MAP3K2: variants seen among roughly 807,000 people sequenced by gnomAD.
MAP3K2 encodes the protein mitogen-activated protein kinase kinase kinase 2.
Under a neutral mutation model 80.3 loss-of-function variants are expected in MAP3K2, and 24 were observed. The observed-to-expected ratio is 0.30, with a 90% CI of 0.22 to 0.42. MAP3K2 has a LOEUF of 0.42. Among genes scored for constraint, MAP3K2 ranks in the 10% least tolerant of loss-of-function variants. The pLI, the probability that MAP3K2 is intolerant of heterozygous loss-of-function variation, is 1.00. For synonymous variants in MAP3K2, 244 were observed against 253.7 expected (o/e 0.96, Z 0.36); for missense variants, 608 against 750.1 (o/e 0.81, Z 2.21).
rs115376292 is a variant in MAP3K2, at chr2:127,302,905, A to C, written c.*4674T>G. 14 of 152,130 alleles carry C rather than the reference A, an allele frequency of 9.2e-5. No individual in the cohort carries two copies. Among genetic ancestry groups the C allele is most frequent in the African/African-American group, 3.4e-4 (14 of 41,510 alleles). 9.4% of individuals were successfully genotyped at this position (152,130 alleles called of 1,614,324 possible). On this transcript the variant is annotated 3_prime_UTR_variant, in exon 17 of 17. Coordinates refer to ENST00000682094, the MANE Select transcript of MAP3K2 (RefSeq NM_001371910.2). ...TTATTTATTTATTTATTTTTTTAAA[A>C]AGGAGGTAGAAAAGGGTAGGAGGAG...
chr2:127,332,084 CTA>C (rs1218223654), intron 5 of MAP3K2, among the ~76,000 whole-genome samples: 3 of 152,146 alleles, frequency 2.0e-5, no homozygotes, highest in Non-Finnish European at 4.4e-5. Context: ...TCTTTTCGCT[CTA>C]TGAGAATTTT....
At chr2:127,374,283 T>C (rs927977835) in intron 1 of MAP3K2, among the ~76,000 whole-genome samples, 1 of 152,186 alleles carries the variant, frequency 6.6e-6, no homozygotes, top group Non-Finnish European at 1.5e-5. Flanking sequence ...GTGCACTTTT[T>C]CTCCGACTTC....
chr2:127,318,048 C>CTT (rs11452548), intron 13 of MAP3K2, 121 bp downstream of exon 13: 19,811 of 572,484 alleles, frequency 0.035, 7 homozygotes, highest in East Asian at 0.063. Context: ...AAGAAAACTG[C>CTT]TTTTTTTTTT....
In MAP3K2 at chr2:127,303,585, TTGC is replaced by T. The variant is rs1471831000; in HGVS notation, c.*3991_*3993del. 6.6e-6 allele frequency: 1 copy of T among 152,044 alleles called. No individual in the cohort carries two copies. Among genetic ancestry groups the T allele is most frequent in the Non-Finnish European group, 1.5e-5 (1 of 67,998 alleles). The allele number at this position is 152,044 out of a possible 1,614,324, so 9.4% of individuals were successfully genotyped here. On this transcript the variant is annotated 3_prime_UTR_variant, in exon 17 of 17. Transcript: ENST00000682094. ...TAAAAAATAACATTTTAAAACATCA[TTGC>T]TGAACTTTCAGAGTTAGCGTATGCC... is the stretch of plus-strand genomic sequence containing the variant.
chr2:127,311,382 C>T (rs1204874992), intron 15 of MAP3K2, among the ~76,000 whole-genome samples: 4 of 152,184 alleles, frequency 2.6e-5, no homozygotes, highest in African/African-American at 2.4e-5. Flanking sequence ...CAGTCCAAGG[C>T]AGGTCACAGA....
chr2:127,365,567 T>C (rs1686959115), intron 1 of MAP3K2, among the ~76,000 whole-genome samples: 2 of 152,170 alleles, frequency 1.3e-5, no homozygotes, highest in Non-Finnish European at 1.5e-5. Context: ...ACAGCTCCTC[T>C]TCTTGATTGC....
intron 1 of MAP3K2, among the ~76,000 whole-genome samples, chr2:127,377,785 G>A (rs961375538): frequency 6.6e-6 from 1 of 152,164 alleles, no homozygotes; most frequent in Non-Finnish European, 1.5e-5. Flanking sequence ...TATAAAACAG[G>A]AAGAGAAAGC....
At chr2:127,324,319 T>G in intron 9 of MAP3K2, 78 bp from the exon 10 acceptor site, 1 of 798,758 alleles carries the variant, frequency 1.3e-6, no homozygotes, top group Non-Finnish European at 2.0e-6. Flanking sequence ...GCAATATCTA[T>G]ATCTATCTGT....
chr2:127,307,654 T>G lies in MAP3K2; in HGVS notation c.1785A>C (p.Lys595Asn). The G allele has an allele frequency of 6.3e-7, 1 of 1,591,400 alleles. No homozygotes were observed. The highest frequency in any genetic ancestry group is 1.1e-5 in the South Asian group (1 of 87,320). ...TCAGTTTGGCCTCTACAAAAATCCGTTTGAGGAAATCTCGAGTATAGTCTG... is the reference window on the plus strand; with the variant it reads ...TCAGTTTGGCCTCTACAAAAATCCGGTTGAGGAAATCTCGAGTATAGTCTG... Reference protein sequence around the residue: ...HVSDYTRDFLKRIFVEAKLRP... With the variant: ...HVSDYTRDFLNRIFVEAKLRP... Residue 595 changes from lysine to asparagine, a missense_variant, in exon 17 of 17, where the codon AAA (lysine) becomes AAC (asparagine). Coordinates refer to ENST00000682094, the MANE Select transcript of MAP3K2 (RefSeq NM_001371910.2). The surrounding 1 kb of genome is among the most constrained non-coding windows in gnomAD (Gnocchi z 5.4).
chr2:127,344,100 C>T (rs2104851103), intron 1 of MAP3K2, among the ~76,000 whole-genome samples: 1 of 152,130 alleles, frequency 6.6e-6, no homozygotes, highest in East Asian at 1.9e-4. Flanking sequence ...ATCCCCAGGT[C>T]AACTAGAAAA....
At position 127,369,680 on chromosome 2, in the gene MAP3K2, G is replaced by GA. The variant is rs530785119; in HGVS notation, c.-66+17771_-66+17772insT. Among the ~76,000 whole-genome samples the GA allele has an allele frequency of 3.6e-4, 54 of 152,066 alleles. No homozygotes were observed. The East Asian group carries it at 9.9e-3, about 28-fold the overall frequency. On this transcript the variant is annotated intron_variant, in intron 1 of 16. Coordinates refer to ENST00000682094, the MANE Select transcript of MAP3K2 (RefSeq NM_001371910.2). ...GTGGGAGGGCTGTTCACAAATACTT[G>GA]TTTTTATCCTTCTGGGCATATGGAA...
chr2:127,355,492 C>T (rs1313886359), intron 1 of MAP3K2, among the ~76,000 whole-genome samples: 3 of 152,096 alleles, frequency 2.0e-5, no homozygotes, highest in African/African-American at 7.3e-5. Flanking sequence ...ATTAAGTGTG[C>T]AATGGCATTA....
chr2:127,328,199 C>G (rs1686181939), intron 7 of MAP3K2, among the ~76,000 whole-genome samples: 1 of 152,196 alleles, frequency 6.6e-6, no homozygotes, highest in African/African-American at 2.4e-5. Context: ...CACTTGAACC[C>G]AGGAGGCAGC....
intron 3 of MAP3K2, 147 bp from the exon 4 acceptor site, chr2:127,337,925 C>A: frequency 1.9e-6 from 1 of 526,314 alleles, no homozygotes; most frequent in South Asian, 2.9e-5. Flanking sequence ...AGTTCTGTAC[C>A]AGCTCCAAAC....
At chr2:127,367,433 C>A (rs935469883) in intron 1 of MAP3K2, among the ~76,000 whole-genome samples, 2 of 152,204 alleles carry the variant, frequency 1.3e-5, no homozygotes, top group Non-Finnish European at 2.9e-5. Flanking sequence ...TGATCTATCT[C>A]TCCTTAAACT....
At chr2:127,314,408 G>A (rs915873796) in intron 15 of MAP3K2, among the ~76,000 whole-genome samples, 2 of 152,284 alleles carry the variant, frequency 1.3e-5, no homozygotes, top group East Asian at 3.9e-4. Flanking sequence ...AAGGCCACAC[G>A]GTGTGGATAA....
intron 5 of MAP3K2, among the ~76,000 whole-genome samples, chr2:127,331,539 C>G (rs1032099967): frequency 2.0e-5 from 3 of 152,244 alleles, no homozygotes; most frequent in African/African-American, 7.2e-5. Flanking sequence ...AAAGCTCAAT[C>G]TGAACCCAAA....
chr2:127,363,685 AGG>A (rs1257719190), intron 1 of MAP3K2, among the ~76,000 whole-genome samples: 1 of 152,218 alleles, frequency 6.6e-6, no homozygotes, highest in African/African-American at 2.4e-5. Flanking sequence ...TTCATTATAC[AGG>A]ACCTTTTAAA....
chr2:127,367,584 G>A (rs1003950995), intron 1 of MAP3K2, among the ~76,000 whole-genome samples: 2 of 152,146 alleles, frequency 1.3e-5, no homozygotes, highest in East Asian at 1.9e-4. Flanking sequence ...CCTGAGGTCA[G>A]GAGTTTGAGA....
Sources: allele counts gnomAD v4.1 joint callset (sites outside exome capture counted in the v4.1 genomes callset), GRCh38; gene constraint gnomAD v4.1.1; non-coding constraint Gnocchi (gnomAD v3.1); transcripts MANE v1.5; gene names NCBI Gene and HGNC (gene_info 2026-07-23, HGNC 2026-07-21).